The following RFX3 variants were observed in gnomAD, a reference collection of about 807,000 sequenced individuals.
The protein encoded by RFX3 is transcription factor RFX3.
RFX3 carries 14 observed loss-of-function variants against 98.6 expected under a neutral mutation model. That is an observed-to-expected ratio of 0.14 (90% CI 0.09 to 0.22). The LOEUF (loss-of-function observed/expected upper bound fraction) is 0.22, where lower values mean the gene tolerates loss of function less well. Among genes scored for constraint, RFX3 ranks in the 10% least tolerant of loss-of-function variants. The pLI is 1.00. For synonymous variants in RFX3, 383 were observed against 328.4 expected (o/e 1.17, Z -1.80); for missense variants, 639 against 926.9 (o/e 0.69, Z 4.03).
At chr9:3,441,543 G>A (rs1845611871) in intron 1 of RFX3, among the ~76,000 whole-genome samples, 1 of 152,050 alleles carries the variant, frequency 6.6e-6, no homozygotes, top group Non-Finnish European at 1.5e-5. Flanking sequence ...GCATCTTGTA[G>A]TATCAAAAAA....
In RFX3 at chr9:3,360,112, T is replaced by C. The variant is rs552853256; in HGVS notation, c.118-13348A>G. On this transcript the variant is annotated intron_variant, in intron 2 of 16. Coordinates refer to ENST00000617270, the MANE Select transcript of RFX3 (RefSeq NM_001282116.2). Reference sequence around the variant, plus strand: ...ACCCATCTTTGTGAAGTCTTTAAACTGACACATTTACTATTTGTACTATCT... The same window carrying C: ...ACCCATCTTTGTGAAGTCTTTAAACCGACACATTTACTATTTGTACTATCT... Among the ~76,000 whole-genome samples the C allele has an allele frequency of 1.2e-4, 18 of 152,248 alleles. 1 individual carries two copies. The South Asian group carries it at 2.1e-3, about 18-fold the overall frequency.
chr9:3,442,890 CTT>C (rs1265547231), intron 1 of RFX3, among the ~76,000 whole-genome samples: 12 of 152,144 alleles, frequency 7.9e-5, no homozygotes, highest in Admixed American at 5.9e-4. Flanking sequence ...ATAAATTAGA[CTT>C]AATCAAAATT....
intron 15 of RFX3, among the ~76,000 whole-genome samples, chr9:3,242,257 C>T (rs1820036486): frequency 6.6e-6 from 1 of 152,146 alleles, no homozygotes; most frequent in East Asian, 1.9e-4. Flanking sequence ...GAATGTAAGA[C>T]ATCTAGAATA....
intron 1 of RFX3, among the ~76,000 whole-genome samples, chr9:3,467,197 A>T (rs889184765): frequency 7.0e-6 from 1 of 143,248 alleles, no homozygotes; most frequent in East Asian, 2.0e-4. Context: ...TACATATATA[A>T]TGTATGTGTA....
At chr9:3,346,001 G>A (rs1008778824) in intron 3 of RFX3, among the ~76,000 whole-genome samples, 3 of 152,100 alleles carry the variant, frequency 2.0e-5, no homozygotes, top group Non-Finnish European at 2.9e-5. Flanking sequence ...AAGCCAACAG[G>A]TTGCAAACAA....
At chr9:3,504,512 T>TTGTATATAAAATATATAGTATA (rs1469274209) in intron 1 of RFX3, among the ~76,000 whole-genome samples, 5 of 126,096 alleles carry the variant, frequency 4.0e-5, no homozygotes, top group South Asian at 2.7e-4. Context: ...ATGGTATATA[T>TTGTATATAAAATATATAGTATA]TGCATATAAA....
chr9:3,258,665 A>G (rs1180151033), intron 13 of RFX3, among the ~76,000 whole-genome samples: 1 of 152,000 alleles, frequency 6.6e-6, no homozygotes, highest in Non-Finnish European at 1.5e-5. Flanking sequence ...TATAGAAAAA[A>G]CTGTGAATAC....
chr9:3,368,254 T>C (rs777441979), intron 2 of RFX3, among the ~76,000 whole-genome samples: 4 of 152,128 alleles, frequency 2.6e-5, no homozygotes, highest in Non-Finnish European at 5.9e-5. Flanking sequence ...AAAAGATATA[T>C]TGAAAGAAAA....
chr9:3,419,521 T>G (rs576266950), intron 1 of RFX3, among the ~76,000 whole-genome samples: 7 of 152,202 alleles, frequency 4.6e-5, no homozygotes, highest in Non-Finnish European at 8.8e-5. Flanking sequence ...AGCATGAACC[T>G]GAATCAATAT....
At chr9:3,505,201 T>TATATATATATTCATATAA (rs1816824842) in intron 1 of RFX3, among the ~76,000 whole-genome samples, 8 of 51,922 alleles carry the variant, frequency 1.5e-4, no homozygotes, top group African/African-American at 1.2e-3. Context: ...AATATATATT[T>TATATATATATTCATATAA]ATATATATAT....
At chr9:3,504,650 T>C (rs1183690733) in intron 1 of RFX3, among the ~76,000 whole-genome samples, 4 of 142,316 alleles carry the variant, frequency 2.8e-5, no homozygotes, top group East Asian at 4.2e-4. Flanking sequence ...ATATATAGTA[T>C]ATGCCATATG....
At chr9:3,462,730 A>G (rs1847808570) in intron 1 of RFX3, among the ~76,000 whole-genome samples, 2 of 152,106 alleles carry the variant, frequency 1.3e-5, no homozygotes, top group Non-Finnish European at 2.9e-5. Context: ...GAAAAAGTGT[A>G]CCATACTTCA....
chr9:3,361,163 C>G (rs1285628312), intron 2 of RFX3, among the ~76,000 whole-genome samples: 6 of 152,006 alleles, frequency 3.9e-5, no homozygotes, highest in African/African-American at 1.5e-4. Flanking sequence ...ATGTGACTGA[C>G]TAAATGTGAA....
intron 4 of RFX3, among the ~76,000 whole-genome samples, chr9:3,306,226 T>C (rs1829298636): frequency 6.6e-6 from 1 of 152,040 alleles, no homozygotes; most frequent in Non-Finnish European, 1.5e-5. Context: ...GAAATGCTCC[T>C]AACCTCAACA....
intron 13 of RFX3, among the ~76,000 whole-genome samples, chr9:3,259,895 T>C (rs1822641196): frequency 6.6e-6 from 1 of 152,078 alleles, no homozygotes; most frequent in Non-Finnish European, 1.5e-5. Flanking sequence ...TTGTTTTAAA[T>C]AGAAGTCTCC....
At chr9:3,503,605 A>G (rs765909376) in intron 1 of RFX3, among the ~76,000 whole-genome samples, 92 of 152,274 alleles carry the variant, frequency 6.0e-4, no homozygotes, top group Admixed American at 3.8e-3. Flanking sequence ...TAAAAATATC[A>G]GTATGACAAT....
chr9:3,414,899 A>AGT (rs1842816129), intron 1 of RFX3, among the ~76,000 whole-genome samples: 1 of 136,216 alleles, frequency 7.3e-6, no homozygotes, highest in Admixed American at 7.6e-5. Flanking sequence ...TATATATATG[A>AGT]GTATATATAC....
chr9:3,252,943 G>T (rs1821619872), intron 14 of RFX3, among the ~76,000 whole-genome samples: 1 of 152,120 alleles, frequency 6.6e-6, no homozygotes, highest in Non-Finnish European at 1.5e-5. Context: ...TTCTCTCTGT[G>T]TCAGGCCTCC....
intron 4 of RFX3, among the ~76,000 whole-genome samples, chr9:3,316,813 G>T (rs910683359): frequency 1.3e-5 from 2 of 152,128 alleles, no homozygotes; most frequent in African/African-American, 4.8e-5. Flanking sequence ...ACTTATAAGG[G>T]ATGTGAAGGA....
Sources: allele counts gnomAD v4.1 joint callset (sites outside exome capture counted in the v4.1 genomes callset), GRCh38; gene constraint gnomAD v4.1.1; transcripts MANE v1.5; gene names NCBI Gene and HGNC (gene_info 2026-07-23, HGNC 2026-07-21).